SEMA3A: variants seen among roughly 807,000 people sequenced by gnomAD.
SEMA3A encodes semaphorin 3A.
SEMA3A carries 29 observed loss-of-function variants against 97.9 expected under a neutral mutation model. The observed-to-expected ratio is 0.30, with a 90% CI of 0.22 to 0.40. The LOEUF is 0.40. Ranked by LOEUF, SEMA3A falls within the 10% of genes least tolerant of loss-of-function variation. SEMA3A has a pLI of 1.00. For synonymous variants in SEMA3A, 321 were observed against 323.7 expected, an observed-to-expected ratio of 0.99 and a Z score of 0.09; for missense variants, 763 against 951.3, an observed-to-expected ratio of 0.80 and a Z score of 2.60.
intron 1 of SEMA3A, among the ~76,000 whole-genome samples, chr7:84,470,738 T>A (rs1806125612): frequency 6.6e-6 from 1 of 152,016 alleles, no homozygotes; most frequent in Admixed American, 6.6e-5. Flanking sequence ...TTAGCAATAG[T>A]CCTTAGCATT....
chr7:84,415,637 T>C (rs1035377353), intron 1 of SEMA3A, among the ~76,000 whole-genome samples: 4 of 152,150 alleles, frequency 2.6e-5, no homozygotes, highest in Non-Finnish European at 4.4e-5. Flanking sequence ...AATTTGCTAA[T>C]CTTCCAACTC....
At chr7:84,376,111 G>A (rs1434249611) in intron 1 of SEMA3A, among the ~76,000 whole-genome samples, 5 of 152,132 alleles carry the variant, frequency 3.3e-5, no homozygotes, top group African/African-American at 7.2e-5. Flanking sequence ...GAACGCTTGG[G>A]CTGATTCCAT....
intron 1 of SEMA3A, among the ~76,000 whole-genome samples, chr7:84,464,662 T>C (rs1050181497): frequency 1.3e-5 from 2 of 152,188 alleles, no homozygotes; most frequent in African/African-American, 4.8e-5. Context: ...AGCTAAATAG[T>C]AATATGATCT....
intron 2 of SEMA3A, among the ~76,000 whole-genome samples, chr7:84,360,801 T>C (rs1038773389): frequency 6.6e-6 from 1 of 151,986 alleles, no homozygotes; most frequent in Non-Finnish European, 1.5e-5. Context: ...TTTATTTATT[T>C]TTTATTTTTT....
At chr7:84,296,462 T>G (rs1364424553) in intron 3 of SEMA3A, among the ~76,000 whole-genome samples, 1 of 152,166 alleles carries the variant, frequency 6.6e-6, no homozygotes, top group East Asian at 1.9e-4. Context: ...AAATTCCTCA[T>G]TCCATCAGGT....
chr7:84,430,169 T>C (rs1804942688), intron 1 of SEMA3A, among the ~76,000 whole-genome samples: 12 of 151,978 alleles, frequency 7.9e-5, no homozygotes, highest in Admixed American at 7.2e-4. Context: ...TTGTCTTCCA[T>C]TTTTTAATAA....
intron 10 of SEMA3A, among the ~76,000 whole-genome samples, chr7:84,006,799 C>T (rs150415457): frequency 1.9e-3 from 289 of 151,964 alleles, no homozygotes; most frequent in African/African-American, 6.6e-3. Context: ...ATTAATAATT[C>T]ATGAGAAATA....
chr7:84,305,925 T>G (rs1253529159), intron 3 of SEMA3A, among the ~76,000 whole-genome samples: 1 of 151,718 alleles, frequency 6.6e-6, no homozygotes, highest in South Asian at 2.1e-4. Flanking sequence ...AATTCATATA[T>G]GTATATATAC....
intron 3 of SEMA3A, among the ~76,000 whole-genome samples, chr7:84,272,076 G>C (rs1800166149): frequency 6.6e-6 from 1 of 151,844 alleles, no homozygotes; most frequent in African/African-American, 2.4e-5. Context: ...GCCTTGCCTG[G>C]CACAGCTTGC....
chr7:84,357,215 G>T (rs1046186130), intron 2 of SEMA3A, among the ~76,000 whole-genome samples: 3 of 150,842 alleles, frequency 2.0e-5, no homozygotes, highest in African/African-American at 4.9e-5. Context: ...GTGCCATGTT[G>T]GTGTGCTGCA....
At chr7:83,988,943 C>G (rs563689203) in intron 12 of SEMA3A, among the ~76,000 whole-genome samples, 1 of 149,606 alleles carries the variant, frequency 6.7e-6, no homozygotes, top group Admixed American at 6.7e-5. Context: ...CTGCAGGATC[C>G]GCACCCCCCC....
At chr7:84,115,374 C>T (rs532952760) in intron 3 of SEMA3A, among the ~76,000 whole-genome samples, 92 of 152,114 alleles carry the variant, frequency 6.0e-4, no homozygotes, top group East Asian at 3.7e-3. Context: ...GTTTTGAAGT[C>T]CTAGAAATAT....
chr7:84,492,369 A>C (rs1806756254), intron 1 of SEMA3A: 1 of 152,136 alleles, frequency 6.6e-6, no homozygotes, highest in South Asian at 2.1e-4. Flanking sequence ...GTCCTAGTTC[A>C]CTTTTGCACA....
At chr7:84,065,571 G>A (rs4433072) in intron 4 of SEMA3A, among the ~76,000 whole-genome samples, 134,260 of 145,440 alleles carry the variant, frequency 0.92, 62,111 homozygotes, top group African/African-American at 0.98. Context: ...GACGCAATAA[G>A]AAATGATAAA....
At chr7:84,214,175 G>T (rs1377253358) in intron 3 of SEMA3A, among the ~76,000 whole-genome samples, 1 of 152,066 alleles carries the variant, frequency 6.6e-6, no homozygotes, top group Non-Finnish European at 1.5e-5. Context: ...ACAACAGTAT[G>T]CTGCAATATA....
intron 15 of SEMA3A, among the ~76,000 whole-genome samples, chr7:83,974,939 T>G (rs954763057): frequency 2.6e-5 from 4 of 152,140 alleles, no homozygotes; most frequent in Non-Finnish European, 5.9e-5. Flanking sequence ...ACAGTTGCAC[T>G]TTCTCTTCTC....
At chr7:84,241,207 T>C (rs2116379416) in intron 3 of SEMA3A, among the ~76,000 whole-genome samples, 1 of 152,334 alleles carries the variant, frequency 6.6e-6, no homozygotes, top group African/African-American at 2.4e-5. Flanking sequence ...GTTGAACTAA[T>C]TTACACTCCC....
At chr7:84,434,175 T>C (rs955097432) in intron 1 of SEMA3A, among the ~76,000 whole-genome samples, 1 of 152,100 alleles carries the variant, frequency 6.6e-6, no homozygotes, top group Non-Finnish European at 1.5e-5. Context: ...TAATTAGTGA[T>C]GTGGATCATT....
chr7:84,429,965 A>G (rs1488324149), intron 1 of SEMA3A, among the ~76,000 whole-genome samples: 1 of 151,896 alleles, frequency 6.6e-6, no homozygotes, highest in Non-Finnish European at 1.5e-5. Context: ...CGCTGTTGCA[A>G]AAGTGACTTT....
Sources: gnomAD v4.1 joint callset for allele counts (sites outside exome capture counted in the v4.1 genomes callset) on GRCh38, gnomAD v4.1.1 for gene constraint, MANE v1.5 for transcripts, NCBI Gene and HGNC (gene_info 2026-07-23, HGNC 2026-07-21) for gene names.